The following RYR3 variants were observed in gnomAD, a reference collection of about 807,000 sequenced individuals.
RYR3 encodes the protein ryanodine receptor 3, also known as brain ryanodine receptor-calcium release channel.
Under a neutral mutation model 584.3 loss-of-function variants are expected in RYR3, and 207 were observed. The observed-to-expected ratio is 0.35, with a 90% CI of 0.32 to 0.40. The LOEUF (loss-of-function observed/expected upper bound fraction) is 0.40, where lower values mean the gene tolerates loss of function less well. Ranked by LOEUF, RYR3 falls within the 10% of genes least tolerant of loss-of-function variation. The pLI is 1.00. For synonymous variants in RYR3, 2,416 were observed against 2,248.5 expected, an observed-to-expected ratio of 1.07 and a Z score of -2.11; for missense variants, 5,616 against 6,089.2, an observed-to-expected ratio of 0.92 and a Z score of 2.59.
At chr15:33,346,417 T>G (rs960522324) in intron 1 of RYR3, among the ~76,000 whole-genome samples, 4 of 152,218 alleles carry the variant, frequency 2.6e-5, no homozygotes, top group African/African-American at 9.6e-5. Flanking sequence ...ACCTGAATCC[T>G]CCAATACAAT....
intron 1 of RYR3, among the ~76,000 whole-genome samples, chr15:33,318,742 A>T (rs1968543880): frequency 6.6e-6 from 1 of 152,234 alleles, no homozygotes; most frequent in South Asian, 2.1e-4. Context: ...ATTATTCACC[A>T]TCAAGACTGG....
At chr15:33,467,656 G>T (rs944873975) in intron 1 of RYR3, among the ~76,000 whole-genome samples, 3 of 152,164 alleles carry the variant, frequency 2.0e-5, no homozygotes, top group African/African-American at 7.2e-5. Context: ...CTTGTTCAGG[G>T]ACAATCACTC....
rs796878162 is a variant in RYR3 at position 33,763,892 on chromosome 15, C to CAAAAAAA, written c.8706-4748_8706-4742dup. ...TGAGTGACAGAGCGAGACTTCATCTCAAAAAAAAAAAAAAAAAAAAAAAAT... is the reference window on the plus strand; with the variant it reads ...TGAGTGACAGAGCGAGACTTCATCTCAAAAAAAAAAAAAAAAAAAAAAAAAAAAAAAT... On this transcript the variant is annotated intron_variant, in intron 60 of 103. Coordinates refer to ENST00000634891, the MANE Select transcript of RYR3 (RefSeq NM_001036.6). 5.8e-3 allele frequency among the ~76,000 whole-genome samples: 264 copies of CAAAAAAA among 45,850 alleles called. 21 individuals carry two copies. The highest frequency in any genetic ancestry group is 0.023 in the African/African-American group (252 of 11,080). 30.1% of individuals were successfully genotyped at this position (45,850 alleles called of 152,430 possible). A position where few individuals can be genotyped will look rare whatever the true frequency, so the allele number is the denominator to read the frequency against.
chr15:33,411,323 C>G (rs1181812308), intron 1 of RYR3, among the ~76,000 whole-genome samples: 1 of 152,196 alleles, frequency 6.6e-6, no homozygotes, highest in Non-Finnish European at 1.5e-5. Context: ...TCACTGACGT[C>G]TTTAGGGCAT....
chr15:33,643,629 T>G (rs1006307231), intron 27 of RYR3, among the ~76,000 whole-genome samples: 1 of 151,816 alleles, frequency 6.6e-6, no homozygotes, highest in Non-Finnish European at 1.5e-5. Context: ...AGTGCTAGCA[T>G]TTAAAACTTC....
At chr15:33,363,146 G>C (rs144943902) in intron 1 of RYR3, among the ~76,000 whole-genome samples, 366 of 152,306 alleles carry the variant, frequency 2.4e-3, no homozygotes, top group African/African-American at 8.0e-3. Flanking sequence ...GTACCAGTCA[G>C]TCTTGGGTAG....
intron 2 of RYR3, among the ~76,000 whole-genome samples, chr15:33,494,267 C>A (rs2051227977): frequency 6.6e-6 from 1 of 152,168 alleles, no homozygotes; most frequent in South Asian, 2.1e-4. Context: ...AATATTTAAG[C>A]TTTCTAGAAT....
chr15:33,514,539 G>A (rs1305811914), intron 3 of RYR3, among the ~76,000 whole-genome samples: 3 of 152,062 alleles, frequency 2.0e-5, no homozygotes, highest in African/African-American at 4.8e-5. Context: ...AATTATTCAT[G>A]GTGGAGCCAT....
intron 32 of RYR3, among the ~76,000 whole-genome samples, chr15:33,653,394 A>G (rs2062611339): frequency 1.3e-5 from 2 of 152,192 alleles, no homozygotes; most frequent in Admixed American, 1.3e-4. Context: ...TTTATAGGCC[A>G]GGCGCAGTGG....
intron 1 of RYR3, among the ~76,000 whole-genome samples, chr15:33,450,603 CTTTTT>C (rs113136250): frequency 1.4e-5 from 2 of 140,666 alleles, no homozygotes; most frequent in African/African-American, 5.2e-5. Flanking sequence ...TTTGAGGGTT[CTTTTT>C]TTTTTTTTAA....
chr15:33,400,119 T>C (rs946943797), intron 1 of RYR3, among the ~76,000 whole-genome samples: 19 of 152,180 alleles, frequency 1.2e-4, no homozygotes, highest in Admixed American at 5.9e-4. Flanking sequence ...TTTATTTAAG[T>C]AAAATCATGT....
chr15:33,535,036 T>C (rs1283846621), intron 5 of RYR3, among the ~76,000 whole-genome samples: 1 of 152,090 alleles, frequency 6.6e-6, no homozygotes, highest in Non-Finnish European at 1.5e-5. Flanking sequence ...GGCTTGAAAA[T>C]TGGGTAGGAA....
At chr15:33,733,934 G>T (rs979292366) in intron 48 of RYR3, among the ~76,000 whole-genome samples, 6 of 152,162 alleles carry the variant, frequency 3.9e-5, no homozygotes, top group African/African-American at 1.4e-4. Context: ...TTAAAATGTT[G>T]TAAAAAGGAT....
At chr15:33,534,192 G>A (rs1197355205) in intron 5 of RYR3, among the ~76,000 whole-genome samples, 1 of 152,210 alleles carries the variant, frequency 6.6e-6, no homozygotes. Flanking sequence ...CCTGATGTAA[G>A]GAGTTTGAGA....
intron 31 of RYR3, among the ~76,000 whole-genome samples, chr15:33,649,680 A>G (rs983692716): frequency 6.6e-6 from 1 of 152,256 alleles, no homozygotes; most frequent in South Asian, 2.1e-4. Flanking sequence ...GGTTGAAAGC[A>G]TAAGGAATAA....
intron 38 of RYR3, among the ~76,000 whole-genome samples, chr15:33,679,470 C>A (rs2064429552): frequency 6.6e-6 from 1 of 152,138 alleles, no homozygotes; most frequent in Non-Finnish European, 1.5e-5. Context: ...TGGTAAAATT[C>A]TTGATGCTCA....
chr15:33,618,140 A>G (rs145930136), intron 19 of RYR3, among the ~76,000 whole-genome samples: 26 of 152,086 alleles, frequency 1.7e-4, no homozygotes, highest in African/African-American at 6.3e-4. Flanking sequence ...GCCATAGTAT[A>G]TAGTGAAATT....
At chr15:33,413,677 G>T (rs2043572163) in intron 1 of RYR3, among the ~76,000 whole-genome samples, 1 of 152,222 alleles carries the variant, frequency 6.6e-6, no homozygotes, top group Admixed American at 6.5e-5. Flanking sequence ...CTTACCCAGT[G>T]CCTGGTGCCC....
At chr15:33,723,990 T>A (rs1020885004) in intron 44 of RYR3, 75 bp from the exon 45 acceptor site, 5 of 750,464 alleles carry the variant, frequency 6.7e-6, no homozygotes, top group Non-Finnish European at 9.4e-6. Context: ...TGCTTCCATA[T>A]CAAGCAGCTT....
Sources: gnomAD v4.1 joint callset for allele counts (sites outside exome capture counted in the v4.1 genomes callset) on GRCh38, gnomAD v4.1.1 for gene constraint, MANE v1.5 for transcripts, NCBI Gene and HGNC (gene_info 2026-07-23, HGNC 2026-07-21) for gene names.